CHM: variants seen among roughly 807,000 people sequenced by gnomAD.
CHM encodes the protein CHM Rab escort protein, also known as rab proteins geranylgeranyltransferase component A 1.
A neutral mutation model predicts 49.0 loss-of-function variants in CHM; 10 were observed. The observed-to-expected ratio is 0.20, with a 90% confidence interval of 0.13 to 0.35. CHM has a LOEUF of 0.35. CHM is among the 10% of genes least tolerant of loss of function. The probability of loss-of-function intolerance (pLI) is 1.00; values close to 1 mark genes in which losing one functional copy is unlikely to be tolerated. For missense variants in CHM, 455 were observed against 478.4 expected (o/e 0.95, Z 0.46); for synonymous variants, 184 against 167.5 (o/e 1.10, Z -0.76).
At chrX:85,995,670 T>C (rs1298863359) in intron 2 of CHM, among the ~76,000 whole-genome samples, 1 of 112,424 alleles carries the variant, frequency 8.9e-6, no homozygotes, top group Non-Finnish European at 1.9e-5. Flanking sequence ...AAATCATACT[T>C]ATTTTAGAGA....
At chrX:86,015,065 T>G (rs1415388682) in intron 2 of CHM, among the ~76,000 whole-genome samples, 1 of 111,464 alleles carries the variant, frequency 9.0e-6, no homozygotes. Context: ...AAAGTTATTT[T>G]TTTTTTTATT....
chrX:85,872,187 A>G (rs1375582676), intron 14 of CHM, among the ~76,000 whole-genome samples: 1 of 112,091 alleles, frequency 8.9e-6, no homozygotes, highest in African/African-American at 3.2e-5. Flanking sequence ...TTGCTACTAT[A>G]AGATCCTTGC....
Position 85,936,074 on chromosome X carries a change from A to G in CHM, c.1166+20079T>C, listed in dbSNP as rs1487967375. Among the ~76,000 whole-genome samples, 5 of 112,228 alleles carry G rather than the reference A, an allele frequency of 4.5e-5. No individual in the cohort carries two copies. In the East Asian group the frequency reaches 1.4e-3, roughly 31 times the overall value. On this transcript the variant is annotated intron_variant, in intron 8 of 14. Transcript: ENST00000357749. ...GTGTATGAGTAAAACACAGAATTTG[A>G]TAAGAAAAAATTATGGAGTACCCAT...
At chrX:85,928,460 T>C (rs1049393142) in intron 8 of CHM, among the ~76,000 whole-genome samples, 7 of 111,012 alleles carry the variant, frequency 6.3e-5, no homozygotes, top group Non-Finnish European at 9.4e-5. Context: ...GGAGAATCTC[T>C]TGAACCCAAG....
chrX:85,987,496 AT>A (rs772591217), intron 2 of CHM, among the ~76,000 whole-genome samples: 39 of 112,259 alleles, frequency 3.5e-4, no homozygotes, highest in African/African-American at 1.3e-3. Context: ...CATATTCAAC[AT>A]TCTTAAAGAA....
chrX:85,997,286 A>C (rs1030630796), intron 2 of CHM, among the ~76,000 whole-genome samples: 13 of 111,148 alleles, frequency 1.2e-4, no homozygotes, highest in Non-Finnish European at 1.7e-4. Context: ...TATAATATAA[A>C]ATTTGAGCAT....
chrX:85,972,411 C>T (rs866587495), intron 4 of CHM, among the ~76,000 whole-genome samples: 4 of 113,126 alleles, frequency 3.5e-5, no homozygotes, highest in Non-Finnish European at 5.6e-5. Flanking sequence ...GAGCAGGGGG[C>T]GGCATTTGTC....
chrX:86,039,127 C>T (rs1040549292), intron 1 of CHM, among the ~76,000 whole-genome samples: 6 of 112,035 alleles, frequency 5.4e-5, no homozygotes, highest in African/African-American at 1.9e-4. Flanking sequence ...TATCACCGTG[C>T]TTGGCATATA....
At chrX:85,947,205 G>T (rs1472717810) in intron 8 of CHM, among the ~76,000 whole-genome samples, 3 of 111,933 alleles carry the variant, frequency 2.7e-5, no homozygotes, top group Non-Finnish European at 5.6e-5. Flanking sequence ...AAGGAAATGA[G>T]ATTTGGGAAG....
Position 85,871,703 on chromosome X carries a change from C to G in CHM, c.1770+1349G>C, listed in dbSNP as rs759534179. Among the ~76,000 whole-genome samples, 6 of 111,282 alleles carry G rather than the reference C, an allele frequency of 5.4e-5. No homozygotes were observed. In the South Asian group the frequency reaches 2.3e-3, roughly 42 times the overall value. ...ATTATATTCTTGAGAAGCAAATTAC[C>G]TCATGATAAAATTATCCCTCAATTA... On this transcript the variant is annotated intron_variant, in intron 14 of 14. Transcript: ENST00000357749.
chrX:85,917,804 GA>G (rs201880012), intron 8 of CHM, among the ~76,000 whole-genome samples: 24,402 of 100,131 alleles, frequency 0.24, 2,250 homozygotes, highest in Non-Finnish European at 0.26. Flanking sequence ...CAATCTGAGG[GA>G]AAAAAAAAAA....
intron 1 of CHM, among the ~76,000 whole-genome samples, chrX:86,039,510 C>CAAAAAA (rs769393073): frequency 1.0e-4 from 4 of 40,170 alleles, no homozygotes; most frequent in Admixed American, 6.4e-4. Context: ...TGGCCTAGAC[C>CAAAAAA]AAAAAAAAAA....
chrX:85,995,072 C>T (rs948077217), intron 2 of CHM, among the ~76,000 whole-genome samples: 8 of 109,898 alleles, frequency 7.3e-5, no homozygotes, highest in African/African-American at 2.6e-4. Flanking sequence ...AAAAAATTCT[C>T]TCCTCATGTA....
intron 1 of CHM, among the ~76,000 whole-genome samples, chrX:86,038,600 T>C (rs6623558): frequency 0.1 from 11,456 of 111,719 alleles, 513 homozygotes; most frequent in South Asian, 0.29. Flanking sequence ...TTATTTTGGT[T>C]TACAGGATCA....
chrX:85,869,387 T>A (rs1294172087), intron 14 of CHM, among the ~76,000 whole-genome samples: 1 of 111,289 alleles, frequency 9.0e-6, no homozygotes, highest in Non-Finnish European at 1.9e-5. Flanking sequence ...TGACACCTTG[T>A]CTCCCTTTTG....
At chrX:85,978,442 AT>A (rs1178546976) in intron 4 of CHM, among the ~76,000 whole-genome samples, 1 of 111,259 alleles carries the variant, frequency 9.0e-6, no homozygotes, top group African/African-American at 3.3e-5. Flanking sequence ...CAACTACTTA[AT>A]CTCCTTAAGT....
chrX:85,978,560 C>T (rs766862306), intron 4 of CHM: 113 of 302,990 alleles, frequency 3.7e-4, no homozygotes, highest in Non-Finnish European at 6.3e-4. Flanking sequence ...TTTAAAACGG[C>T]TTGGTAAATT....
At chrX:85,894,855 T>A (rs993533044) in intron 11 of CHM, among the ~76,000 whole-genome samples, 4 of 111,965 alleles carry the variant, frequency 3.6e-5, no homozygotes, top group African/African-American at 1.3e-4. Flanking sequence ...TCTTGATTAC[T>A]CATAATGGCT....
intron 12 of CHM, among the ~76,000 whole-genome samples, chrX:85,882,331 G>A (rs1281100065): frequency 9.0e-6 from 1 of 111,077 alleles, no homozygotes; most frequent in Admixed American, 9.6e-5. Context: ...GGCCAACAAC[G>A]ACCACAAATT....
Sources: gnomAD v4.1 joint callset for allele counts (sites outside exome capture counted in the v4.1 genomes callset) on GRCh38, gnomAD v4.1.1 for gene constraint, MANE v1.5 for transcripts, NCBI Gene and HGNC (gene_info 2026-07-23, HGNC 2026-07-21) for gene names.